CAMSAP1: variants seen among roughly 807,000 people sequenced by gnomAD.
CAMSAP1 encodes calmodulin-regulated spectrin-associated protein 1.
In CAMSAP1, 58 loss-of-function variants were observed where a neutral mutation model predicts 143.5. The ratio of observed to expected loss-of-function variants is 0.40; its 90% confidence interval spans 0.33 to 0.50. The LOEUF (loss-of-function observed/expected upper bound fraction) is 0.50. CAMSAP1 is among the 20% of genes least tolerant of loss of function. CAMSAP1 has a pLI of 0.45. For synonymous variants in CAMSAP1, 945 were observed against 859.3 expected (o/e 1.10, Z -1.74); for missense variants, 1,969 against 2,115.7 (o/e 0.93, Z 1.36).
chr9:135,822,968 G>A lies in CAMSAP1; in HGVS notation c.1693C>T (p.Arg565Trp), dbSNP rs201405180. 247 of 1,613,898 alleles carry A rather than the reference G, an allele frequency of 1.5e-4. No individual in the cohort carries two copies. Among genetic ancestry groups the A allele is most frequent in the Non-Finnish European group, 1.9e-4 (227 of 1,179,910 alleles). Residue 565 changes from arginine to tryptophan, a missense_variant, in exon 11 of 17, where the codon CGG becomes TGG. By Grantham distance (101) the Arg-to-Trp change is moderately radical (BLOSUM62 -3). Coordinates refer to ENST00000389532, the MANE Select transcript of CAMSAP1 (RefSeq NM_015447.4). The surrounding 1 kb of genome is among the most constrained non-coding windows in gnomAD (Gnocchi z 6.1). ...GCATTTGCTGTAAGGCCTAAGGCCC[G>A]GGGTGAGGCCCTGGGGAACTCCGGG... ...ADPEFPRASP[R>W]ALGLTANARS...
At chr9:135,864,240 G>A (rs1837296742) in intron 4 of CAMSAP1, among the ~76,000 whole-genome samples, 1 of 152,260 alleles carries the variant, frequency 6.6e-6, no homozygotes, top group Non-Finnish European at 1.5e-5. Flanking sequence ...GACGAAGTCT[G>A]TGAGCCCTTG....
chr9:135,883,409 A>C (rs56406753), intron 1 of CAMSAP1, among the ~76,000 whole-genome samples: 2,846 of 152,270 alleles, frequency 0.019, 40 homozygotes, highest in Non-Finnish European at 0.027. Flanking sequence ...TAACAGCAGT[A>C]AGAAGGTAGA....
intron 14 of CAMSAP1, among the ~76,000 whole-genome samples, chr9:135,817,585 G>T (rs923243005): frequency 6.7e-6 from 1 of 149,990 alleles, no homozygotes; most frequent in South Asian, 2.1e-4. Context: ...TTGTAGAGAT[G>T]GGGGGGTCTC....
chr9:135,871,843 C>T (rs965954109), intron 3 of CAMSAP1, among the ~76,000 whole-genome samples: 1 of 152,170 alleles, frequency 6.6e-6, no homozygotes, highest in African/African-American at 2.4e-5. Context: ...TGGCTCACGC[C>T]TGTAATCCCA....
At chr9:135,827,374 G>A (rs369349142) in intron 8 of CAMSAP1, 33 bp downstream of exon 8, 49 of 1,459,400 alleles carry the variant, frequency 3.4e-5, no homozygotes, top group Non-Finnish European at 1.9e-5. Flanking sequence ...ACAAGATGGT[G>A]AACTGATTCT....
At chr9:135,838,745 C>T (rs1008065810) in intron 7 of CAMSAP1, among the ~76,000 whole-genome samples, 1 of 151,842 alleles carries the variant, frequency 6.6e-6, no homozygotes, top group African/African-American at 2.4e-5. Context: ...CACTTTCCAC[C>T]TGTTCTACAG....
intron 3 of CAMSAP1, among the ~76,000 whole-genome samples, chr9:135,867,525 A>G (rs1362393718): frequency 1.3e-5 from 2 of 151,392 alleles, no homozygotes; most frequent in Non-Finnish European, 2.9e-5. Flanking sequence ...AAGAAAATGA[A>G]TGAAAATACC....
chr9:135,826,135 TGGGTGCAGACAACA>T lies in CAMSAP1; in HGVS notation c.1223+1258_1224-1256del, dbSNP rs1276905298. ...TGGGAAAATTCTCACCACAGGCTGCTGGGTGCAGACAACAGGGTGCAGACAGCAGGTCACAGAGC... is the reference window on the plus strand; with the variant it reads ...TGGGAAAATTCTCACCACAGGCTGCTGGGTGCAGACAGCAGGTCACAGAGC... On this transcript the variant is annotated intron_variant, in intron 8 of 16. Transcript: ENST00000389532. The surrounding 1 kb of genome is among the most constrained non-coding windows in gnomAD (Gnocchi z 4.4). The T allele has an allele frequency of 3.3e-5, 5 of 152,296 alleles. No homozygotes were observed. Among genetic ancestry groups the T allele is most frequent in the Admixed American group, 2.6e-4 (4 of 15,286 alleles). 9.4% of individuals were successfully genotyped at this position (152,296 alleles called of 1,614,324 possible).
chr9:135,894,975 G>A (rs1023287028), intron 1 of CAMSAP1, among the ~76,000 whole-genome samples: 2 of 152,202 alleles, frequency 1.3e-5, no homozygotes, highest in African/African-American at 4.8e-5. Context: ...AAAACTCACT[G>A]GATGGGCTCA....
rs1835031596 is a variant in CAMSAP1, at chr9:135,811,062, AC to A, written c.*246del. On this transcript the variant is annotated 3_prime_UTR_variant, in exon 17 of 17. Coordinates refer to ENST00000389532, the MANE Select transcript of CAMSAP1 (RefSeq NM_015447.4). The surrounding 1 kb of genome is among the most constrained non-coding windows in gnomAD (Gnocchi z 4.9). ...AGCAGTGGCCACAGCAGTGCGAGCC[AC>A]TGCAAAAGCGGCATCTACTCCCCCA... 1.8e-6 allele frequency: 1 copy of A among 544,136 alleles called. No individual in the cohort carries two copies. Among genetic ancestry groups the A allele is most frequent in the Non-Finnish European group, 3.3e-6 (1 of 304,588 alleles). The allele number at this position is 544,136 out of a possible 1,614,324, so 33.7% of individuals were successfully genotyped here.
At chr9:135,903,794 C>G (rs1265272247) in intron 1 of CAMSAP1, among the ~76,000 whole-genome samples, 1 of 152,204 alleles carries the variant, frequency 6.6e-6, no homozygotes, top group Non-Finnish European at 1.5e-5. Context: ...TAACTGAAAA[C>G]TAAGCTGGAG....
intron 16 of CAMSAP1, among the ~76,000 whole-genome samples, chr9:135,814,700 C>T (rs1416808245): frequency 6.6e-6 from 1 of 152,244 alleles, no homozygotes; most frequent in Non-Finnish European, 1.5e-5. Context: ...CCCTGTTCCT[C>T]ATTCACCTCC....
rs1482183666 is a variant in CAMSAP1 at position 135,886,141 on chromosome 9, T to C, written c.161-3063A>G. Reference sequence around the variant, plus strand: ...TGTTTTTTCTACAAACCAGTAAGACTGTTAGAATTAATACACATTCATTCG... The same window carrying C: ...TGTTTTTTCTACAAACCAGTAAGACCGTTAGAATTAATACACATTCATTCG... On this transcript the variant is annotated intron_variant, in intron 1 of 16. Transcript: ENST00000389532. Among the ~76,000 whole-genome samples the C allele has an allele frequency of 2.0e-5, 3 of 152,160 alleles. No homozygotes were observed. The East Asian group carries it at 5.8e-4, about 29-fold the overall frequency.
At chr9:135,841,400 G>A (rs564711514) in intron 7 of CAMSAP1, among the ~76,000 whole-genome samples, 1 of 152,352 alleles carries the variant, frequency 6.6e-6, no homozygotes, top group South Asian at 2.1e-4. Flanking sequence ...AGCACCTAGG[G>A]GAAGGGGTGG....
chr9:135,834,659 G>A (rs1835957752), intron 7 of CAMSAP1, among the ~76,000 whole-genome samples: 1 of 152,158 alleles, frequency 6.6e-6, no homozygotes, highest in South Asian at 2.1e-4. Context: ...GGGAGATGAT[G>A]GTCAAAGGGC....
chr9:135,828,633 A>T (rs894449365), intron 7 of CAMSAP1, among the ~76,000 whole-genome samples: 1 of 152,210 alleles, frequency 6.6e-6, no homozygotes, highest in Non-Finnish European at 1.5e-5. Flanking sequence ...TTCTCAGATT[A>T]CCTGAAATTC....
At chr9:135,871,995 G>A (rs1219705410) in intron 3 of CAMSAP1, among the ~76,000 whole-genome samples, 1 of 151,828 alleles carries the variant, frequency 6.6e-6, no homozygotes, top group African/African-American at 2.4e-5. Context: ...CCAGATACTC[G>A]GGAGGCTGGC....
Position 135,822,083 on chromosome 9 carries a change from C to T in CAMSAP1, c.2578G>A (p.Glu860Lys). The T allele has an allele frequency of 6.2e-7, 1 of 1,612,640 alleles. No individual in the cohort carries two copies. The highest frequency in any genetic ancestry group is 1.1e-5 in the South Asian group (1 of 91,052). Residue 860 changes from glutamate (E) to lysine (K), a missense_variant, in exon 11 of 17, where the codon GAG becomes AAG. Physicochemically the swap from Glu to Lys is moderately conservative, Grantham distance 56. Transcript: ENST00000389532. The surrounding 1 kb of genome is among the most constrained non-coding windows in gnomAD (Gnocchi z 6.1). Reference sequence around the variant, plus strand: ...TTGCCATGCTGGCTCGGACTCTGCTCCCTCTTCTGCCTCCACGTCGTCAGA... The same window carrying T: ...TTGCCATGCTGGCTCGGACTCTGCTTCCTCTTCTGCCTCCACGTCGTCAGA... ...APLTTWRQKR[E>K]QSPSQHGKDP...
chr9:135,831,104 G>A lies in CAMSAP1; in HGVS notation c.1046-3520C>T, dbSNP rs377288325. Among the ~76,000 whole-genome samples the A allele has an allele frequency of 6.4e-3, 973 of 152,234 alleles. 5 individuals carry two copies. Among genetic ancestry groups the A allele is most frequent in the African/African-American group, 0.022 (901 of 41,544 alleles). On this transcript the variant is annotated intron_variant, in intron 7 of 16. Coordinates refer to ENST00000389532, the MANE Select transcript of CAMSAP1 (RefSeq NM_015447.4). Reference sequence around the variant, plus strand: ...GGAGAATCGCTTGAACCTGGGAGGCGGAGGCTGCAGTGAGCCGAGATCGCT... The same window carrying A: ...GGAGAATCGCTTGAACCTGGGAGGCAGAGGCTGCAGTGAGCCGAGATCGCT...
Sources: gnomAD v4.1 joint callset for allele counts (sites outside exome capture counted in the v4.1 genomes callset) on GRCh38, gnomAD v4.1.1 for gene constraint, Gnocchi (gnomAD v3.1) non-coding constraint, MANE v1.5 for transcripts, NCBI Gene and HGNC (gene_info 2026-07-23, HGNC 2026-07-21) for gene names.